BCAR3: variants seen among roughly 807,000 people sequenced by gnomAD.
The protein encoded by BCAR3 is breast cancer anti-estrogen resistance protein 3.
A neutral mutation model predicts 80.1 loss-of-function variants in BCAR3; 37 were observed. The ratio of observed to expected loss-of-function variants is 0.46; its 90% CI spans 0.36 to 0.61. The LOEUF is 0.61. BCAR3 is among the 20% of genes least tolerant of loss of function. The pLI, the probability that BCAR3 is intolerant of heterozygous loss-of-function variation, is 0.00. For missense variants in BCAR3, 978 were observed against 1,068.2 expected (o/e 0.92, Z 1.18); for synonymous variants, 389 against 418.9 (o/e 0.93, Z 0.87).
chr1:93,847,943 G>T (rs1486138625), upstream of BCAR3: 4 of 242,336 alleles, frequency 1.7e-5, no homozygotes, highest in Non-Finnish European at 3.2e-5. Context: ...CGACACTGAA[G>T]CGAAGGCTCG....
intron 2 of BCAR3, among the ~76,000 whole-genome samples, chr1:93,667,728 C>G (rs1194403992): frequency 6.6e-6 from 1 of 152,204 alleles, no homozygotes; most frequent in Admixed American, 6.5e-5. Flanking sequence ...GCTTGAAATT[C>G]TACATCCAAT....
At chr1:93,574,865 C>T (rs892937805) in intron 8 of BCAR3, among the ~76,000 whole-genome samples, 2 of 152,160 alleles carry the variant, frequency 1.3e-5, no homozygotes, top group Admixed American at 1.3e-4. Flanking sequence ...TGGGTATTCC[C>T]GAACAAAATC....
intron 3 of BCAR3, among the ~76,000 whole-genome samples, chr1:93,601,209 G>A (rs923549119): frequency 5.3e-5 from 8 of 152,172 alleles, no homozygotes; most frequent in Admixed American, 4.6e-4. Context: ...TTCAAAGACG[G>A]CTTTTAGCAA....
intron 2 of BCAR3, among the ~76,000 whole-genome samples, chr1:93,832,116 G>A (rs925981427): frequency 3.9e-5 from 6 of 152,074 alleles, no homozygotes; most frequent in Admixed American, 2.0e-4. Flanking sequence ...ATTAGATTCC[G>A]GCCCTCAAAC....
intron 1 of BCAR3, among the ~76,000 whole-genome samples, chr1:93,679,187 G>T (rs1648634742): frequency 6.6e-6 from 1 of 152,142 alleles, no homozygotes; most frequent in African/African-American, 2.4e-5. Context: ...GATTAAAAGT[G>T]ATTGTGTATA....
intron 2 of BCAR3, among the ~76,000 whole-genome samples, chr1:93,844,133 C>T (rs964996653): frequency 2.0e-5 from 3 of 152,048 alleles, no homozygotes; most frequent in Non-Finnish European, 4.4e-5. Context: ...ATGGTGAAAC[C>T]CCATCTCCAT....
At chr1:93,811,893 G>A (rs1050054485) in intron 2 of BCAR3, among the ~76,000 whole-genome samples, 1 of 152,098 alleles carries the variant, frequency 6.6e-6, no homozygotes, top group African/African-American at 2.4e-5. Context: ...GCTTGAAATC[G>A]GCCATTATGA....
intron 3 of BCAR3, among the ~76,000 whole-genome samples, chr1:93,634,288 C>T (rs1675710738): frequency 6.6e-6 from 1 of 152,104 alleles, no homozygotes; most frequent in African/African-American, 2.4e-5. Context: ...ATCTTGAATT[C>T]CCATGTGTTG....
intron 2 of BCAR3, among the ~76,000 whole-genome samples, chr1:93,650,636 A>G (rs1219512022): frequency 6.6e-6 from 1 of 152,196 alleles, no homozygotes; most frequent in Non-Finnish European, 1.5e-5. Context: ...ATTTATCAAA[A>G]TACTTAAAAC....
intron 1 of BCAR3, among the ~76,000 whole-genome samples, chr1:93,677,181 A>T (rs1057377205): frequency 1.3e-5 from 2 of 152,214 alleles, no homozygotes; most frequent in Non-Finnish European, 2.9e-5. Flanking sequence ...TAATTTTGAC[A>T]AAAGGACTTG....
At chr1:93,619,590 A>G (rs148654281) in intron 3 of BCAR3, among the ~76,000 whole-genome samples, 2,853 of 152,290 alleles carry the variant, frequency 0.019, 43 homozygotes, top group Middle Eastern at 0.041. Flanking sequence ...TTTGGTAGGC[A>G]TGAGCTATGT....
chr1:93,796,438 C>T (rs1276454284), intron 2 of BCAR3, among the ~76,000 whole-genome samples: 1 of 147,962 alleles, frequency 6.8e-6, no homozygotes, highest in African/African-American at 2.6e-5. Flanking sequence ...TCCGTCACCC[C>T]TTTCTTTGAC....
intron 2 of BCAR3, among the ~76,000 whole-genome samples, chr1:93,665,941 A>G (rs950263940): frequency 5.3e-5 from 8 of 152,068 alleles, no homozygotes; most frequent in Non-Finnish European, 1.2e-4. Context: ...TCCAAACCTC[A>G]GCAGATATGG....
chr1:93,838,758 G>A (rs1331989018), intron 2 of BCAR3, among the ~76,000 whole-genome samples: 3 of 152,148 alleles, frequency 2.0e-5, no homozygotes, highest in African/African-American at 4.8e-5. Context: ...GACATTCCAA[G>A]CAAGGAGGGC....
At chr1:93,585,501 A>G (rs1402120170) in intron 5 of BCAR3, among the ~76,000 whole-genome samples, 3 of 152,202 alleles carry the variant, frequency 2.0e-5, no homozygotes, top group African/African-American at 2.4e-5. Context: ...AGGATCATTC[A>G]GGGCCAACTA....
intron 2 of BCAR3, among the ~76,000 whole-genome samples, chr1:93,802,041 C>T (rs61782400): frequency 0.064 from 9,704 of 151,784 alleles, 359 homozygotes; most frequent in South Asian, 0.093. Context: ...TCACCTGAAC[C>T]TGGCTTGAAC....
At chr1:93,729,871 C>T (rs1391173983) in intron 2 of BCAR3, among the ~76,000 whole-genome samples, 4 of 152,210 alleles carry the variant, frequency 2.6e-5, no homozygotes, top group African/African-American at 4.8e-5. Flanking sequence ...GTCATTTCTA[C>T]GCTTCTCTCT....
chr1:93,693,081 C>T (rs1245135012), intron 3 of BCAR3, among the ~76,000 whole-genome samples: 1 of 152,088 alleles, frequency 6.6e-6, no homozygotes, highest in Non-Finnish European at 1.5e-5. Flanking sequence ...CCATAAATGC[C>T]GAATCTCAGC....
intron 2 of BCAR3, chr1:93,723,211 A>G (rs1307270887): frequency 6.6e-6 from 1 of 152,248 alleles, no homozygotes; most frequent in East Asian, 1.9e-4. Context: ...TAGCAAGGAA[A>G]GTGGTTTGCA....
Sources: allele counts gnomAD v4.1 joint callset (sites outside exome capture counted in the v4.1 genomes callset), GRCh38; gene constraint gnomAD v4.1.1; transcripts MANE v1.5; gene names NCBI Gene and HGNC (gene_info 2026-07-23, HGNC 2026-07-21).